The following RAPGEF6 variants were observed in gnomAD, a reference collection of about 807,000 sequenced individuals.
RAPGEF6 encodes the protein Rap guanine nucleotide exchange factor 6, also known as PDZ domain containing guanine nucleotide exchange factor (GEF) 2.
A neutral mutation model predicts 171.4 loss-of-function variants in RAPGEF6; 56 were observed. The ratio of observed to expected loss-of-function variants is 0.33; its 90% CI spans 0.26 to 0.41. The LOEUF is 0.41. Among genes scored for constraint, RAPGEF6 ranks in the 10% least tolerant of loss-of-function variants. RAPGEF6 has a pLI of 1.00. For synonymous variants in RAPGEF6, 692 were observed against 650.1 expected (o/e 1.06, Z -0.98); for missense variants, 1,674 against 1,921.4 (o/e 0.87, Z 2.41).
At chr5:131,552,998 T>C (rs1224812110) in intron 5 of RAPGEF6, among the ~76,000 whole-genome samples, 2 of 151,868 alleles carry the variant, frequency 1.3e-5, no homozygotes, top group Non-Finnish European at 2.9e-5. Context: ...AAAAGAAAAT[T>C]TGAAAATGAG....
intron 18 of RAPGEF6, among the ~76,000 whole-genome samples, chr5:131,463,107 A>G (rs576802217): frequency 6.6e-6 from 1 of 152,326 alleles, no homozygotes; most frequent in African/African-American, 2.4e-5. Context: ...AAGGTCACAT[A>G]GCCAGAGCTG....
intron 15 of RAPGEF6, among the ~76,000 whole-genome samples, chr5:131,485,958 T>G (rs1174042184): frequency 6.6e-6 from 1 of 152,214 alleles, no homozygotes; most frequent in Admixed American, 6.5e-5. Flanking sequence ...TTTTAAAAAA[T>G]TATTTTTAGA....
rs572257212 is a variant in RAPGEF6 at position 131,490,407 on chromosome 5, A to G, written c.1732-753T>C. Among the ~76,000 whole-genome samples the G allele has an allele frequency of 7.2e-5, 11 of 152,346 alleles. No homozygotes were observed. In the South Asian group the frequency reaches 2.3e-3, roughly 32 times the overall value. ...TAGAAGTAAAATTCCCAGAGTTGAA[A>G]AAAGACTTGCATCTATGCACTAAAA... On this transcript the variant is annotated intron_variant, in intron 14 of 27. Coordinates refer to ENST00000509018, the MANE Select transcript of RAPGEF6 (RefSeq NM_016340.6).
intron 15 of RAPGEF6, among the ~76,000 whole-genome samples, chr5:131,484,118 T>C (rs1407421581): frequency 2.0e-5 from 3 of 149,764 alleles, no homozygotes; most frequent in Non-Finnish European, 4.4e-5. Context: ...AAAAAGACTT[T>C]ATAGAAAAGA....
chr5:131,487,985 A>G (rs1043038541), intron 15 of RAPGEF6, among the ~76,000 whole-genome samples: 1 of 152,194 alleles, frequency 6.6e-6, no homozygotes, highest in Non-Finnish European at 1.5e-5. Flanking sequence ...TGAGATTGCC[A>G]GCTGTTTTCT....
At chr5:131,621,058 C>G (rs1030913541) in intron 1 of RAPGEF6, among the ~76,000 whole-genome samples, 1 of 152,206 alleles carries the variant, frequency 6.6e-6, no homozygotes, top group Non-Finnish European at 1.5e-5. Flanking sequence ...GCCTAGGCAA[C>G]TTGCATGTAC....
At chr5:131,538,195 A>G (rs1010509241) in intron 6 of RAPGEF6, among the ~76,000 whole-genome samples, 1 of 152,234 alleles carries the variant, frequency 6.6e-6, no homozygotes, top group African/African-American at 2.4e-5. Flanking sequence ...ATTAGGTATT[A>G]TAAGTAATCT....
intron 6 of RAPGEF6, among the ~76,000 whole-genome samples, chr5:131,545,966 T>A (rs770893418): frequency 7.2e-5 from 11 of 152,226 alleles, no homozygotes; most frequent in Non-Finnish European, 1.5e-4. Flanking sequence ...CTAAGGAGTA[T>A]GCCTATTGCT....
At chr5:131,527,749 C>T (rs1758983135) in intron 6 of RAPGEF6, among the ~76,000 whole-genome samples, 1 of 152,072 alleles carries the variant, frequency 6.6e-6, no homozygotes, top group Non-Finnish European at 1.5e-5. Context: ...GGCGCGATGG[C>T]TCACGCCTGT....
chr5:131,516,919 G>C (rs1036236061), intron 7 of RAPGEF6, among the ~76,000 whole-genome samples: 2 of 152,150 alleles, frequency 1.3e-5, no homozygotes, highest in African/African-American at 4.8e-5. Flanking sequence ...TTTTAGACCA[G>C]AAGACATGAA....
At chr5:131,428,272 G>C (rs1484082980) in intron 27 of RAPGEF6, among the ~76,000 whole-genome samples, 1 of 152,084 alleles carries the variant, frequency 6.6e-6, no homozygotes, top group Non-Finnish European at 1.5e-5. Context: ...AATGAGCCAG[G>C]CATGCTGGTG....
intron 17 of RAPGEF6, among the ~76,000 whole-genome samples, chr5:131,467,080 C>T (rs1471926018): frequency 1.3e-5 from 2 of 152,078 alleles, no homozygotes; most frequent in South Asian, 2.1e-4. Flanking sequence ...TGTTCTGATA[C>T]CTTTTATTAC....
At chr5:131,562,305 T>C (rs1761654290) in intron 4 of RAPGEF6, among the ~76,000 whole-genome samples, 1 of 152,094 alleles carries the variant, frequency 6.6e-6, no homozygotes, top group Non-Finnish European at 1.5e-5. Context: ...TCCCTAAAAT[T>C]AATTATAAAA....
rs1751360630 is a variant in RAPGEF6, at chr5:131,425,668, AC to A, written c.*1597del. On this transcript the variant is annotated 3_prime_UTR_variant, in exon 28 of 28. Transcript: ENST00000509018. ...ACAATCATGTTGATGGGAAAGATGA[AC>A]TACTACCATTTACCACTTACAACTG... The A allele has an allele frequency of 6.6e-6, 1 of 152,332 alleles. No individual in the cohort carries two copies. Among genetic ancestry groups the A allele is most frequent in the Non-Finnish European group, 1.5e-5 (1 of 68,030 alleles). The allele number at this position is 152,332 out of a possible 1,614,324, so 9.4% of individuals were successfully genotyped here. A position where few individuals can be genotyped will look rare whatever the true frequency, so the allele number is the denominator to read the frequency against.
chr5:131,472,734 G>A lies in RAPGEF6; in HGVS notation c.2092C>T (p.Leu698=), dbSNP rs1417599254. The change falls in exon 17 of 28, where the codon CTA becomes TTA. Residue 698 remains leucine (L), a synonymous_variant. Coordinates refer to ENST00000509018, the MANE Select transcript of RAPGEF6 (RefSeq NM_016340.6). ...LPPKLFSDGG[L]SQSQDDSIVG... ...ATGCTGTCATCTTGTGATTGGCTTA[G>A]GCCTCCATCACTTCAAAAGAATGTC... 6.2e-7 allele frequency: 1 copy of A among 1,609,846 alleles called. No homozygotes were observed. The highest frequency in any genetic ancestry group is 8.5e-7 in the Non-Finnish European group (1 of 1,176,160).
At chr5:131,570,583 C>T (rs1762218544) in intron 4 of RAPGEF6, among the ~76,000 whole-genome samples, 1 of 151,850 alleles carries the variant, frequency 6.6e-6, no homozygotes, top group African/African-American at 2.4e-5. Flanking sequence ...AATGGATAGA[C>T]AAAATGCAGT....
Position 131,431,307 on chromosome 5 carries a change from G to C in RAPGEF6, c.4017C>G (p.Val1339=), listed in dbSNP as rs372716134. Residue 1339 remains valine (V), a synonymous_variant, in exon 26 of 28, where the codon GTC becomes GTG. Coordinates refer to ENST00000509018, the MANE Select transcript of RAPGEF6 (RefSeq NM_016340.6). ...LKPSLIKCLA[V]SSSVSNEEIS... ...TCTCTTCATTGCTCACAGACGATGA[G>C]ACAGCTAAACACTTGATTAGAGATG... 1.1e-5 allele frequency: 18 copies of C among 1,612,578 alleles called. No homozygotes were observed. The African/African-American group carries it at 2.3e-4, about 20-fold the overall frequency.
At chr5:131,579,146 C>T (rs772934934) in intron 4 of RAPGEF6, among the ~76,000 whole-genome samples, 11 of 151,904 alleles carry the variant, frequency 7.2e-5, no homozygotes, top group Non-Finnish European at 1.5e-4. Flanking sequence ...GCTCTTAAGG[C>T]GGCACCTCTG....
At chr5:131,588,374 T>G (rs144382567) in intron 4 of RAPGEF6, among the ~76,000 whole-genome samples, 1 of 152,304 alleles carries the variant, frequency 6.6e-6, no homozygotes, top group African/African-American at 2.4e-5. Flanking sequence ...CAAGAAAGAC[T>G]ACATCTGGAA....
Sources: allele counts gnomAD v4.1 joint callset (sites outside exome capture counted in the v4.1 genomes callset), GRCh38; gene constraint gnomAD v4.1.1; transcripts MANE v1.5; gene names NCBI Gene and HGNC (gene_info 2026-07-23, HGNC 2026-07-21).